HS6ST2: variants seen among roughly 807,000 people sequenced by gnomAD.
HS6ST2 encodes heparan sulfate 6-O-sulfotransferase 2, also known as heparan-sulfate 6-O-sulfotransferase 2.
Under a neutral mutation model 33.0 loss-of-function variants are expected in HS6ST2, and 17 were observed. The observed-to-expected ratio is 0.52, with a 90% CI of 0.35 to 0.77. The LOEUF is 0.77. Ranked by LOEUF, HS6ST2 falls within the 30% of genes least tolerant of loss-of-function variation. The pLI is 0.01. For synonymous variants in HS6ST2, 248 were observed against 237.1 expected, an observed-to-expected ratio of 1.05 and a Z score of -0.42; for missense variants, 519 against 551.7, an observed-to-expected ratio of 0.94 and a Z score of 0.59.
chrX:132,918,505 A>C (rs1175037286), intron 2 of HS6ST2, among the ~76,000 whole-genome samples: 1 of 112,190 alleles, frequency 8.9e-6, no homozygotes, highest in Non-Finnish European at 1.9e-5. Context: ...GCTGAGGGCC[A>C]GAAATTTTTT....
intron 2 of HS6ST2, among the ~76,000 whole-genome samples, chrX:132,794,407 T>C (rs1479705878): frequency 1.8e-5 from 2 of 110,925 alleles, no homozygotes; most frequent in African/African-American, 6.6e-5. Flanking sequence ...TATTTATTTA[T>C]TTTTGAAATA....
At chrX:132,773,644 C>T (rs912512972) in intron 2 of HS6ST2, among the ~76,000 whole-genome samples, 1 of 111,730 alleles carries the variant, frequency 9.0e-6, no homozygotes, top group African/African-American at 3.2e-5. Context: ...TTATTGGTCA[C>T]AAAAAAGAAG....
intron 2 of HS6ST2, among the ~76,000 whole-genome samples, chrX:132,788,561 C>T: frequency 8.9e-6 from 1 of 112,158 alleles, no homozygotes; most frequent in Non-Finnish European, 1.9e-5. Flanking sequence ...AGTCCCACAT[C>T]TCTCACTTTA....
Position 132,881,568 on chromosome X carries a change from G to C in HS6ST2, c.947+75240C>G, listed in dbSNP as rs1270600179. 2.2e-4 allele frequency among the ~76,000 whole-genome samples: 25 copies of C among 111,574 alleles called. 1 individual carries two copies. Among genetic ancestry groups the C allele is most frequent in the Admixed American group, 5.7e-4 (6 of 10,510 alleles). On this transcript the variant is annotated intron_variant, in intron 2 of 4. Coordinates refer to ENST00000370833, the MANE Select transcript of HS6ST2 (RefSeq NM_001394073.1). Reference sequence around the variant, plus strand: ...GATTGCAAAAATTTTCTCCTATTCTGTAGGTTGCCTGTTCACTCTGATGGT... The same window carrying C: ...GATTGCAAAAATTTTCTCCTATTCTCTAGGTTGCCTGTTCACTCTGATGGT...
At chrX:132,894,510 GT>G (rs1468686206) in intron 2 of HS6ST2, among the ~76,000 whole-genome samples, 6 of 107,548 alleles carry the variant, frequency 5.6e-5, no homozygotes, top group African/African-American at 2.1e-4. Context: ...GTTATGTTAT[GT>G]TATGTTATGT....
rs1206635361 is a variant in HS6ST2, at chrX:132,626,243, G to GT, written c.*1979dup. On this transcript the variant is annotated 3_prime_UTR_variant, in exon 5 of 5. Coordinates refer to ENST00000370833, the MANE Select transcript of HS6ST2 (RefSeq NM_001394073.1). ...GCACACCACAGCAATAACACAAAATGTTTTTTCTGTAACAAGCTTTTCCAC... is the reference window on the plus strand; with the variant it reads ...GCACACCACAGCAATAACACAAAATGTTTTTTTCTGTAACAAGCTTTTCCAC... 7 of 112,435 alleles carry GT rather than the reference G, an allele frequency of 6.2e-5. No homozygotes were observed. The Admixed American group carries it at 6.6e-4, about 11-fold the overall frequency. The allele number at this position is 112,435 out of a possible 1,213,427, so 9.3% of individuals were successfully genotyped here. A position where few individuals can be genotyped will look rare whatever the true frequency, so the allele number is the denominator to read the frequency against.
intron 2 of HS6ST2, among the ~76,000 whole-genome samples, chrX:132,726,307 AAAAATT>A (rs1441037160): frequency 2.7e-5 from 3 of 111,652 alleles, no homozygotes; most frequent in African/African-American, 6.5e-5. Flanking sequence ...TGTACCCACA[AAAAATT>A]AAAATTAAAA....
At chrX:132,660,135 T>A (rs2063760576) in intron 4 of HS6ST2, among the ~76,000 whole-genome samples, 1 of 111,787 alleles carries the variant, frequency 8.9e-6, no homozygotes. Flanking sequence ...TTAATGACTG[T>A]ATCCCTCTAT....
chrX:132,629,174 G>T, intron 4 of HS6ST2, 81 bp from the exon 5 acceptor site: 1 of 1,041,122 alleles, frequency 9.6e-7, no homozygotes, highest in Non-Finnish European at 1.3e-6. Flanking sequence ...CATATGTGGT[G>T]TTCACTGGCT....
At chrX:132,946,444 A>T (rs920451708) in intron 2 of HS6ST2, among the ~76,000 whole-genome samples, 2 of 112,321 alleles carry the variant, frequency 1.8e-5, no homozygotes, top group Non-Finnish European at 3.8e-5. Context: ...AGCCATAAAA[A>T]GGATGAGTTC....
At chrX:132,788,523 G>T (rs754695853) in intron 2 of HS6ST2, among the ~76,000 whole-genome samples, 5 of 111,558 alleles carry the variant, frequency 4.5e-5, no homozygotes, top group African/African-American at 1.6e-4. Flanking sequence ...ACCCTACAAT[G>T]GTCTCTAAGT....
rs373390119 is a variant in HS6ST2, at chrX:132,760,069, G to A, written c.948-51575C>T. Among the ~76,000 whole-genome samples, 106 of 111,828 alleles carry A rather than the reference G, an allele frequency of 9.5e-4. 1 individual carries two copies. In the South Asian group the frequency reaches 0.038, roughly 40 times the overall value. On this transcript the variant is annotated intron_variant, in intron 2 of 4. Transcript: ENST00000370833. ...GATGGCATGTGTAGGTGATCAATCAGTGTGCATATAGGAGGAAGAGTTTTC... is the reference window on the plus strand; with the variant it reads ...GATGGCATGTGTAGGTGATCAATCAATGTGCATATAGGAGGAAGAGTTTTC...
intron 2 of HS6ST2, among the ~76,000 whole-genome samples, chrX:132,722,279 A>C (rs2064340485): frequency 9.0e-6 from 1 of 111,497 alleles, no homozygotes. Context: ...ATCAGAGCAG[A>C]AATAAATGCA....
intron 2 of HS6ST2, among the ~76,000 whole-genome samples, chrX:132,928,327 G>A (rs781111209): frequency 9.1e-6 from 1 of 110,136 alleles, no homozygotes; most frequent in Admixed American, 9.7e-5. Flanking sequence ...GGTCAGGCTG[G>A]TCTCAAACTT....
At chrX:132,679,117 A>C (rs2063947587) in intron 3 of HS6ST2, among the ~76,000 whole-genome samples, 1 of 112,403 alleles carries the variant, frequency 8.9e-6, no homozygotes, top group Admixed American at 9.4e-5. Flanking sequence ...TATAGCAGAC[A>C]GGGCCATAGC....
rs947447254 is a variant in HS6ST2 at position 132,887,771 on chromosome X, T to A, written c.947+69037A>T. On this transcript the variant is annotated intron_variant, in intron 2 of 4. Coordinates refer to ENST00000370833, the MANE Select transcript of HS6ST2 (RefSeq NM_001394073.1). ...ATTCAAATATCCATCTACTGATGAATGGACACACAAAATGTGGTATAGCCA... is the reference window on the plus strand; with the variant it reads ...ATTCAAATATCCATCTACTGATGAAAGGACACACAAAATGTGGTATAGCCA... Among the ~76,000 whole-genome samples, 3 of 112,328 alleles carry A rather than the reference T, an allele frequency of 2.7e-5. No individual in the cohort carries two copies. In the Admixed American group the frequency reaches 2.8e-4, roughly 11 times the overall value.
chrX:132,898,377 A>G (rs1019762031), intron 2 of HS6ST2, among the ~76,000 whole-genome samples: 1 of 73,471 alleles, frequency 1.4e-5, no homozygotes, highest in Non-Finnish European at 2.6e-5. Context: ...TTATCAACAT[A>G]AGGTTATATA....
chrX:132,886,790 T>C (rs1404410005), intron 2 of HS6ST2, among the ~76,000 whole-genome samples: 1 of 111,408 alleles, frequency 9.0e-6, no homozygotes, highest in African/African-American at 3.3e-5. Context: ...ATACAATTAA[T>C]GCTCTTTTTG....
At chrX:132,955,796 T>C (rs1428247104) in intron 2 of HS6ST2, among the ~76,000 whole-genome samples, 2 of 112,795 alleles carry the variant, frequency 1.8e-5, no homozygotes, top group Non-Finnish European at 3.8e-5. Flanking sequence ...CTCTAGCAAC[T>C]GGACATCGCG....
Sources: allele counts gnomAD v4.1 joint callset (sites outside exome capture counted in the v4.1 genomes callset), GRCh38; gene constraint gnomAD v4.1.1; transcripts MANE v1.5; gene names NCBI Gene and HGNC (gene_info 2026-07-23, HGNC 2026-07-21).